Variants in TDRD9 observed in about 807,000 individuals in gnomAD.
TDRD9 encodes the protein ATP-dependent RNA helicase TDRD9.
A neutral mutation model predicts 172.6 loss-of-function variants in TDRD9; 124 were observed. The observed-to-expected ratio is 0.72, with a 90% CI of 0.62 to 0.83. The LOEUF (loss-of-function observed/expected upper bound fraction) is 0.83, where lower values mean the gene tolerates loss of function less well. TDRD9 is among the 40% of genes least tolerant of loss of function. The probability of loss-of-function intolerance (pLI) is 0.00; values close to 1 mark genes in which losing one functional copy is unlikely to be tolerated. For missense variants in TDRD9, 1,479 were observed against 1,714.1 expected (o/e 0.86, Z 2.42); for synonymous variants, 619 against 617.1 (o/e 1.00, Z -0.05).
chr14:103,996,213 T>C (rs189480237), intron 12 of TDRD9, among the ~76,000 whole-genome samples: 10 of 152,340 alleles, frequency 6.6e-5, no homozygotes, highest in Admixed American at 5.9e-4. Flanking sequence ...CTTCCACATA[T>C]GTGTCTGTAA....
At chr14:104,009,058 A>T (rs1327267878) in intron 20 of TDRD9, among the ~76,000 whole-genome samples, 1 of 152,260 alleles carries the variant, frequency 6.6e-6, no homozygotes, top group Non-Finnish European at 1.5e-5. Context: ...ATACTTACAC[A>T]GACCTAGATG....
intron 1 of TDRD9, among the ~76,000 whole-genome samples, chr14:103,955,017 C>T (rs780068834): frequency 3.7e-4 from 57 of 152,160 alleles, no homozygotes; most frequent in Middle Eastern, 3.4e-3. Context: ...ACCTCCACTT[C>T]CTGACTCAAG....
rs1311042047 is a variant in TDRD9, at chr14:104,009,951, T to C, written c.2106+1485T>C. On this transcript the variant is annotated intron_variant, in intron 20 of 35. Transcript: ENST00000409874. Reference sequence around the variant, plus strand: ...TAATTTGTTTTTTCTTTCTTTCTTTTTTTTTTTTTTTTGAGATGGAGTCTT... The same window carrying C: ...TAATTTGTTTTTTCTTTCTTTCTTTCTTTTTTTTTTTTGAGATGGAGTCTT... Among the ~76,000 whole-genome samples the C allele has an allele frequency of 6.7e-5, 10 of 150,308 alleles. No homozygotes were observed. The South Asian group carries it at 8.3e-4, about 13-fold the overall frequency.
rs2032159639 is a variant in TDRD9, at chr14:103,955,727, A to G, written c.279A>G (p.Gln93=). ...ACAAATACAGACAGCTCGAAGCACA[A>G]GAGCTTGATGTGTGTCGCAGTGTCC... The part of the protein sequence containing the change: ...YINKYRQLEA[Q]ELDVCRSVQP... The change falls in exon 2 of 36, where the codon CAA becomes CAG. Residue 93 remains glutamine (Q), a synonymous_variant. Transcript: ENST00000409874. 1.3e-6 allele frequency: 2 copies of G among 1,551,358 alleles called. No homozygotes were observed. The highest frequency in any genetic ancestry group is 1.7e-6 in the Non-Finnish European group (2 of 1,146,778).
At chr14:104,044,019 T>C (rs1311765241) in intron 34 of TDRD9, among the ~76,000 whole-genome samples, 5 of 152,188 alleles carry the variant, frequency 3.3e-5, no homozygotes, top group Admixed American at 3.3e-4. Context: ...CTTAAGCCTG[T>C]GTGTCATACG....
At chr14:103,949,123 C>A (rs939965566) in intron 1 of TDRD9, among the ~76,000 whole-genome samples, 8 of 152,130 alleles carry the variant, frequency 5.3e-5, no homozygotes, top group African/African-American at 1.9e-4. Context: ...GTATTTAATA[C>A]CACTGAACTG....
chr14:103,972,123 CAGCCTG>C (rs957798822), intron 6 of TDRD9, among the ~76,000 whole-genome samples: 7 of 152,052 alleles, frequency 4.6e-5, no homozygotes, highest in African/African-American at 1.7e-4. Flanking sequence ...CACTGCACTC[CAGCCTG>C]GGTAACAGAT....
intron 8 of TDRD9, among the ~76,000 whole-genome samples, chr14:103,987,162 A>ACACACC (rs1491074761): frequency 1.4e-5 from 2 of 145,080 alleles, no homozygotes; most frequent in Non-Finnish European, 3.0e-5. Flanking sequence ...ACACACACAC[A>ACACACC]CCATATGATT....
chr14:103,978,225 A>G (rs1257892871), intron 7 of TDRD9, among the ~76,000 whole-genome samples: 2 of 151,830 alleles, frequency 1.3e-5, no homozygotes, highest in East Asian at 1.9e-4. Flanking sequence ...TGGTATTTTG[A>G]TTGAAATTGT....
rs1282401362 is a variant in TDRD9, at chr14:103,936,528, C to T, written c.215+7804C>T. On this transcript the variant is annotated intron_variant, in intron 1 of 35. Transcript: ENST00000409874. ...TACTCCTCAAGCCATGGTGGATTTT[C>T]CTAAGGAGTGTATCAGAGTGTGTAT... 3.3e-5 allele frequency among the ~76,000 whole-genome samples: 5 copies of T among 152,134 alleles called. No individual in the cohort carries two copies. In the East Asian group the frequency reaches 9.6e-4, roughly 29 times the overall value.
intron 3 of TDRD9, 111 bp downstream of exon 3, chr14:103,963,287 G>T: frequency 1.4e-6 from 1 of 727,724 alleles, no homozygotes; most frequent in South Asian, 2.0e-5. Context: ...CACTTCTGTG[G>T]TGTACAAGGT....
chr14:104,014,772 C>T lies in TDRD9; in HGVS notation c.2154C>T (p.Asn718=). 4 of 1,612,458 alleles carry T rather than the reference C, an allele frequency of 2.5e-6. No homozygotes were observed. The South Asian group carries it at 3.3e-5, about 13-fold the overall frequency. Residue 718 remains asparagine, a synonymous_variant, in exon 21 of 36, where the codon AAC becomes AAT. Transcript: ENST00000409874. ...TGAAGACTAGAATCTCACAGTTCAACATGCATGTTGATTCTCGGCGACCTG... is the reference window on the plus strand; with the variant it reads ...TGAAGACTAGAATCTCACAGTTCAATATGCATGTTGATTCTCGGCGACCTG... The part of the protein sequence containing the change: ...EELKTRISQF[N]MHVDSRRPVM...
At chr14:103,995,513 C>T (rs74822581) in intron 11 of TDRD9, among the ~76,000 whole-genome samples, 4,347 of 152,226 alleles carry the variant, frequency 0.029, 126 homozygotes, top group African/African-American at 0.075. Flanking sequence ...TCCCTTTGCC[C>T]GTGTCTTGTC....
At chr14:103,952,220 A>ATTTTTTTTT (rs61410445) in intron 1 of TDRD9, among the ~76,000 whole-genome samples, 1 of 32,320 alleles carries the variant, frequency 3.1e-5, no homozygotes, top group Non-Finnish European at 5.0e-5. Flanking sequence ...ATATATATAT[A>ATTTTTTTTT]TTTTTTTTTT....
At chr14:103,940,518 C>A in intron 1 of TDRD9, 1 of 265,856 alleles carries the variant, frequency 3.8e-6, no homozygotes. Context: ...ATTTGTCAGA[C>A]TTCATACTAA....
chr14:104,004,269 T>C lies in TDRD9; in HGVS notation c.1515T>C (p.Cys505=), dbSNP rs764834432. ...CTGGACGAGTGTCTAGAGGGTACTG[T>C]TACCGGCTGGTACACAAGGATTTCT... ...GRAGRVSRGY[C]YRLVHKDFWD... Residue 505 remains cysteine, a synonymous_variant, in exon 14 of 36, where the codon TGT becomes TGC. Coordinates refer to ENST00000409874, the MANE Select transcript of TDRD9 (RefSeq NM_153046.3). 9.1e-5 allele frequency: 146 copies of C among 1,604,418 alleles called. No individual in the cohort carries two copies. Among genetic ancestry groups the C allele is most frequent in the Non-Finnish European group, 1.2e-4 (143 of 1,173,340 alleles).
intron 1 of TDRD9, among the ~76,000 whole-genome samples, chr14:103,951,436 TA>T (rs1184305400): frequency 6.6e-6 from 1 of 152,252 alleles, no homozygotes; most frequent in Admixed American, 6.5e-5. Context: ...GTTTGAGAGC[TA>T]AACACTGGGA....
intron 1 of TDRD9, among the ~76,000 whole-genome samples, chr14:103,934,649 G>A (rs1200656703): frequency 6.6e-6 from 1 of 152,184 alleles, no homozygotes; most frequent in Admixed American, 6.5e-5. Flanking sequence ...GTGGTGGTGG[G>A]CGGGCGCCTG....
chr14:103,973,013 A>AT (rs1025422022), intron 6 of TDRD9, among the ~76,000 whole-genome samples: 16 of 152,010 alleles, frequency 1.1e-4, no homozygotes, highest in African/African-American at 3.6e-4. Context: ...TTGGTTACAC[A>AT]TTTTTTAGTT....
Sources: gnomAD v4.1 joint callset for allele counts (sites outside exome capture counted in the v4.1 genomes callset) on GRCh38, gnomAD v4.1.1 for gene constraint, MANE v1.5 for transcripts, NCBI Gene and HGNC (gene_info 2026-07-23, HGNC 2026-07-21) for gene names.